FAM81A: variants seen among roughly 807,000 people sequenced by gnomAD.
FAM81A encodes the protein family with sequence similarity 81 member A, also known as protein FAM81A.
In FAM81A, 19 loss-of-function variants were observed where a neutral mutation model predicts 46.7. That is an observed-to-expected ratio of 0.41 (90% confidence interval 0.28 to 0.60). The LOEUF is 0.60. FAM81A is among the 20% of genes least tolerant of loss of function. The pLI is 0.34. For synonymous variants in FAM81A, 183 were observed against 152.9 expected, an observed-to-expected ratio of 1.20 and a Z score of -1.45; for missense variants, 377 against 453.5, an observed-to-expected ratio of 0.83 and a Z score of 1.53.
chr15:59,456,637 G>A (rs1362051360), intron 1 of FAM81A, among the ~76,000 whole-genome samples: 1 of 152,080 alleles, frequency 6.6e-6, no homozygotes, highest in African/African-American at 2.4e-5. Context: ...GTGCAGTGGC[G>A]CTATCATGGC....
intron 8 of FAM81A, among the ~76,000 whole-genome samples, chr15:59,520,765 G>A (rs909878947): frequency 4.6e-5 from 7 of 151,998 alleles, no homozygotes; most frequent in South Asian, 2.1e-4. Flanking sequence ...GGGTTTCGCC[G>A]TGTTGGCCAG....
chr15:59,399,180 A>G (rs2140460404), intron 1 of FAM81A, among the ~76,000 whole-genome samples: 1 of 152,314 alleles, frequency 6.6e-6, no homozygotes, highest in East Asian at 1.9e-4. Context: ...AAACAAAAAC[A>G]AAAACAAAAA....
chr15:59,458,249 C>G (rs1055540642), intron 1 of FAM81A, among the ~76,000 whole-genome samples: 1 of 152,128 alleles, frequency 6.6e-6, no homozygotes, highest in South Asian at 2.1e-4. Context: ...GTTTCTCAAG[C>G]TTGAGATGCA....
chr15:59,408,437 A>G (rs1401676840), intron 2 of FAM81A, among the ~76,000 whole-genome samples: 1 of 152,222 alleles, frequency 6.6e-6, no homozygotes, highest in Non-Finnish European at 1.5e-5. Context: ...GCTCATGCCT[A>G]TAATCCTAGC....
intron 1 of FAM81A, among the ~76,000 whole-genome samples, chr15:59,448,235 T>C (rs1177108626): frequency 6.6e-6 from 1 of 151,870 alleles, no homozygotes; most frequent in Non-Finnish European, 1.5e-5. Context: ...AAATTAGCTG[T>C]GTGTGGTGGC....
chr15:59,477,109 G>C (rs1325338427), intron 3 of FAM81A, among the ~76,000 whole-genome samples: 2 of 149,552 alleles, frequency 1.3e-5, no homozygotes, highest in Admixed American at 1.3e-4. Context: ...AACAGAGTGA[G>C]ACTCTGACTC....
intron 4 of FAM81A, among the ~76,000 whole-genome samples, chr15:59,500,135 G>A (rs1277020302): frequency 6.6e-6 from 1 of 151,916 alleles, no homozygotes; most frequent in Non-Finnish European, 1.5e-5. Context: ...TTACAGGCGT[G>A]AGCCACCATG....
rs528159771 is a variant in FAM81A at position 59,443,125 on chromosome 15, C to T, written c.-78+4843C>T. On this transcript the variant is annotated intron_variant, in intron 1 of 8. Transcript: ENST00000288228. The stretch of plus-strand genomic sequence containing the variant: ...TGAAATGGAGTCTTGCTCGGTTGCC[C>T]AGGGCGGAACGCAATGGCACAATCT... Among the ~76,000 whole-genome samples the T allele has an allele frequency of 9.9e-5, 15 of 152,264 alleles. No homozygotes were observed. In the East Asian group the frequency reaches 2.9e-3, roughly 29 times the overall value.
intron 6 of FAM81A, among the ~76,000 whole-genome samples, chr15:59,511,885 G>A (rs1354148031): frequency 1.3e-5 from 2 of 152,146 alleles, no homozygotes; most frequent in East Asian, 1.9e-4. Context: ...TCCTGACCTC[G>A]TGATCTGCCC....
rs1182861894 is a variant in FAM81A at position 59,460,884 on chromosome 15, A to T, written c.294+678A>T. 6.6e-6 allele frequency among the ~76,000 whole-genome samples: 1 copy of T among 152,194 alleles called. No individual in the cohort carries two copies. The highest frequency in any genetic ancestry group is 1.5e-5 in the Non-Finnish European group (1 of 68,030). ...AATGACTGAATATATGAATACTAATAGATATATGGCTAGATTAAGGAAAAC... is the reference window on the plus strand; with the variant it reads ...AATGACTGAATATATGAATACTAATTGATATATGGCTAGATTAAGGAAAAC... On this transcript the variant is annotated intron_variant, in intron 3 of 8. Transcript: ENST00000288228. The surrounding 1 kb of genome is among the most constrained non-coding windows in gnomAD (Gnocchi z 4.4).
chr15:59,503,665 C>G (rs1414834221), intron 4 of FAM81A, among the ~76,000 whole-genome samples: 1 of 152,136 alleles, frequency 6.6e-6, no homozygotes, highest in Non-Finnish European at 1.5e-5. Flanking sequence ...CTCCGCCTCC[C>G]AGGCTCAAGC....
chr15:59,477,387 C>G (rs1394658546), intron 3 of FAM81A, among the ~76,000 whole-genome samples: 1 of 152,000 alleles, frequency 6.6e-6, no homozygotes, highest in African/African-American at 2.4e-5. Flanking sequence ...AGAATCATCC[C>G]TGCAGGTGAT....
At chr15:59,502,877 C>T (rs1445586493) in intron 4 of FAM81A, among the ~76,000 whole-genome samples, 8 of 152,016 alleles carry the variant, frequency 5.3e-5, no homozygotes, top group African/African-American at 1.9e-4. Flanking sequence ...GTGTCCCCTG[C>T]CCAGCCTGCT....
rs899409737 is a variant in FAM81A, at chr15:59,523,333, C to G, written c.*1955C>G. 1 of 152,222 alleles carries G rather than the reference C, an allele frequency of 6.6e-6. No homozygotes were observed. Among genetic ancestry groups the G allele is most frequent in the Non-Finnish European group, 1.5e-5 (1 of 68,078 alleles). The allele number at this position is 152,222 out of a possible 1,614,324, so 9.4% of individuals were successfully genotyped here. Reference sequence around the variant, plus strand: ...GGAGTTGGGAAATCTACTGATGCCCCGCTGTGCCTCCCAGACCGATTAAGT... The same window carrying G: ...GGAGTTGGGAAATCTACTGATGCCCGGCTGTGCCTCCCAGACCGATTAAGT... On this transcript the variant is annotated 3_prime_UTR_variant, in exon 9 of 9. Coordinates refer to ENST00000288228, the MANE Select transcript of FAM81A (RefSeq NM_152450.3).
intron 2 of FAM81A, among the ~76,000 whole-genome samples, chr15:59,416,366 T>C (rs1201855861): frequency 1.3e-5 from 2 of 152,254 alleles, no homozygotes; most frequent in Non-Finnish European, 2.9e-5. Flanking sequence ...TTTTGTCCAC[T>C]GCCTCCTCTC....
chr15:59,478,721 T>C (rs1259749811), intron 3 of FAM81A, among the ~76,000 whole-genome samples: 1 of 151,366 alleles, frequency 6.6e-6, no homozygotes, highest in African/African-American at 2.4e-5. Context: ...AGACAGTAAA[T>C]TGAATGGAAT....
Position 59,521,737 on chromosome 15 carries a change from AT to A in FAM81A, c.*368del, listed in dbSNP as rs1269761093. The A allele has an allele frequency of 2.0e-4, 32 of 161,096 alleles. No individual in the cohort carries two copies. Among genetic ancestry groups the A allele is most frequent in the East Asian group, 3.5e-4 (2 of 5,654 alleles). The allele number at this position is 161,096 out of a possible 1,614,324, so 10.0% of individuals were successfully genotyped here. Reference sequence around the variant, plus strand: ...TACTATTTTGAAAAATGTCATGGGGATTTTTTTTTAATTAAGAAACTAATGA... The same window carrying A: ...TACTATTTTGAAAAATGTCATGGGGATTTTTTTTAATTAAGAAACTAATGA... On this transcript the variant is annotated 3_prime_UTR_variant, in exon 9 of 9. Coordinates refer to ENST00000288228, the MANE Select transcript of FAM81A (RefSeq NM_152450.3).
chr15:59,519,499 C>G (rs2082304730), intron 8 of FAM81A, among the ~76,000 whole-genome samples: 1 of 149,368 alleles, frequency 6.7e-6, no homozygotes, highest in African/African-American at 2.5e-5. Context: ...TTCCTCCCTC[C>G]TTCTCTCTTT....
At chr15:59,486,143 C>T (rs2081914468) in intron 3 of FAM81A, among the ~76,000 whole-genome samples, 1 of 151,976 alleles carries the variant, frequency 6.6e-6, no homozygotes, top group Admixed American at 6.6e-5. Context: ...CATGCCACTG[C>T]ACTCCATCCT....
Sources: allele counts gnomAD v4.1 joint callset (sites outside exome capture counted in the v4.1 genomes callset), GRCh38; gene constraint gnomAD v4.1.1; non-coding constraint Gnocchi (gnomAD v3.1); transcripts MANE v1.5; gene names NCBI Gene and HGNC (gene_info 2026-07-23, HGNC 2026-07-21).